PCM1: variants seen among roughly 807,000 people sequenced by gnomAD.
The protein encoded by PCM1 is pericentriolar material 1, also known as pericentriolar material 1 protein.
Under a neutral mutation model 241.9 loss-of-function variants are expected in PCM1, and 157 were observed. That is an observed-to-expected ratio of 0.65 (90% CI 0.57 to 0.74). PCM1 has a LOEUF of 0.74. Among genes scored for constraint, PCM1 ranks in the 30% least tolerant of loss-of-function variants. The probability of loss-of-function intolerance (pLI) is 0.00; values close to 1 mark genes in which losing one functional copy is unlikely to be tolerated. For missense variants in PCM1, 3,478 were observed against 2,360.1 expected (o/e 1.47, Z -9.81); for synonymous variants, 1,085 against 784.9 (o/e 1.38, Z -6.39).
At chr8:17,933,908 G>C (rs1396460723) in intron 2 of PCM1, among the ~76,000 whole-genome samples, 1 of 151,728 alleles carries the variant, frequency 6.6e-6, no homozygotes, top group Non-Finnish European at 1.5e-5. Context: ...TTGACTGCTT[G>C]TTTATACTTA....
intron 9 of PCM1, among the ~76,000 whole-genome samples, chr8:17,953,730 C>G (rs2066943920): frequency 6.6e-6 from 1 of 152,100 alleles, no homozygotes; most frequent in South Asian, 2.1e-4. Context: ...CGGGAGTTAT[C>G]TTTTTTGCTC....
At position 17,967,037 on chromosome 8, in the gene PCM1, T is replaced by C. The variant is rs770517136; in HGVS notation, c.3279T>C (p.Pro1093=). 16 of 1,609,540 alleles carry C rather than the reference T, an allele frequency of 9.9e-6. 1 individual carries two copies. In the South Asian group the frequency reaches 1.8e-4, roughly 18 times the overall value. ...MRQQNQHPEK[P]GGKERGSSAS... ...AGCAAAATCAGCATCCAGAAAAACCTGGAGGCAAGGAAAGAGGCAGTAGTG... is the reference window on the plus strand; with the variant it reads ...AGCAAAATCAGCATCCAGAAAAACCCGGAGGCAAGGAAAGAGGCAGTAGTG... The change falls in exon 21 of 39, where the codon CCT becomes CCC. Residue 1093 remains proline, a synonymous_variant. Coordinates refer to ENST00000325083, the MANE Select transcript of PCM1 (RefSeq NM_006197.4).
intron 8 of PCM1, among the ~76,000 whole-genome samples, chr8:17,952,407 C>T (rs1265353941): frequency 6.6e-6 from 1 of 152,010 alleles, no homozygotes; most frequent in Non-Finnish European, 1.5e-5. Context: ...ACTTTTGATT[C>T]AATTACTGAT....
intron 36 of PCM1, among the ~76,000 whole-genome samples, chr8:18,019,075 T>C (rs532247144): frequency 1.3e-5 from 2 of 152,112 alleles, no homozygotes; most frequent in East Asian, 1.9e-4. Context: ...TTCTTTCCTC[T>C]GCCTTTTTCA....
intron 2 of PCM1, among the ~76,000 whole-genome samples, chr8:17,933,407 G>A (rs1015644854): frequency 6.6e-6 from 1 of 151,908 alleles, no homozygotes; most frequent in Non-Finnish European, 1.5e-5. Context: ...TTTTTTTTCC[G>A]ATATGTTTAT....
chr8:17,999,977 AATAAC>A (rs2088676649), intron 29 of PCM1, among the ~76,000 whole-genome samples: 1 of 152,222 alleles, frequency 6.6e-6, no homozygotes, highest in African/African-American at 2.4e-5. Context: ...TACACTCTGA[AATAAC>A]ATAAGTAAAT....
At chr8:18,019,060 A>G (rs62498201) in intron 36 of PCM1, among the ~76,000 whole-genome samples, 69,864 of 151,132 alleles carry the variant, frequency 0.46, 17,678 homozygotes, top group Middle Eastern at 0.59. Context: ...TTCACAGTGT[A>G]ATCTTTCTTT....
At chr8:17,977,134 T>A (rs1351578468) in intron 23 of PCM1, among the ~76,000 whole-genome samples, 2 of 152,246 alleles carry the variant, frequency 1.3e-5, no homozygotes, top group South Asian at 4.1e-4. Context: ...ACTTAAAATC[T>A]TTTTCTTTAG....
At chr8:17,936,645 T>G (rs2060512438) in intron 3 of PCM1, among the ~76,000 whole-genome samples, 1 of 152,160 alleles carries the variant, frequency 6.6e-6, no homozygotes, top group Non-Finnish European at 1.5e-5. Context: ...ATTAGGAAAC[T>G]GAGACTATAG....
intron 30 of PCM1, 117 bp from the exon 31 acceptor site, chr8:18,009,430 C>A: frequency 1.5e-6 from 1 of 668,228 alleles, no homozygotes; most frequent in Non-Finnish European, 2.5e-6. Flanking sequence ...TACTAACAAC[C>A]TATCTTTCCT....
intron 21 of PCM1, among the ~76,000 whole-genome samples, 151 bp downstream of exon 21, chr8:17,967,321 T>C (rs2075253673): frequency 2.0e-5 from 3 of 150,788 alleles, no homozygotes. Context: ...TTTTTTTTTC[T>C]TTTTGAGGCG....
chr8:17,952,128 C>T (rs2066257320), intron 8 of PCM1, among the ~76,000 whole-genome samples: 1 of 151,904 alleles, frequency 6.6e-6, no homozygotes, highest in Non-Finnish European at 1.5e-5. Context: ...GAGGCTGAGG[C>T]AGGAGAATCG....
chr8:18,001,034 T>C (rs989041238), intron 29 of PCM1, among the ~76,000 whole-genome samples: 1 of 152,200 alleles, frequency 6.6e-6, no homozygotes, highest in African/African-American at 2.4e-5. Context: ...GATTATAGCA[T>C]ATAGCTGCTG....
At chr8:18,000,631 T>G (rs2088999949) in intron 29 of PCM1, among the ~76,000 whole-genome samples, 2 of 143,914 alleles carry the variant, frequency 1.4e-5, no homozygotes, top group East Asian at 2.1e-4. Flanking sequence ...TTGAGGGGGG[T>G]GGGGTTTGAG....
At chr8:17,969,432 A>T (rs976870207) in intron 21 of PCM1, 145 bp from the exon 22 acceptor site, 1 of 640,010 alleles carries the variant, frequency 1.6e-6, no homozygotes, top group African/African-American at 1.9e-5. Flanking sequence ...CAGTGATTGG[A>T]TAAATATTAG....
chr8:18,019,978 A>G (rs1486088814), intron 36 of PCM1, among the ~76,000 whole-genome samples: 1 of 152,204 alleles, frequency 6.6e-6, no homozygotes, highest in Non-Finnish European at 1.5e-5. Context: ...CTTATGGGAT[A>G]CTGCAGATCT....
chr8:18,017,853 C>CTCA (rs2093370055), intron 36 of PCM1, among the ~76,000 whole-genome samples: 1 of 141,888 alleles, frequency 7.0e-6, no homozygotes, highest in Non-Finnish European at 1.6e-5. Flanking sequence ...AACTCCATCT[C>CTCA]AAAAAAAAAA....
rs752036515 is a variant in PCM1 at position 17,991,606 on chromosome 8, T to A, written c.4596T>A (p.Thr1532=). Residue 1532 remains threonine (T), a synonymous_variant, in exon 28 of 39, where the codon ACT becomes ACA. Coordinates refer to ENST00000325083, the MANE Select transcript of PCM1 (RefSeq NM_006197.4). ...ARMREYERMK[T]EAESNSNMRC... is the part of the protein sequence containing the mutation. Reference sequence around the variant, plus strand: ...TGAGAGAATATGAGCGTATGAAGACTGAGGCTGAAAGTAACTCAAATATGA... The same window carrying A: ...TGAGAGAATATGAGCGTATGAAGACAGAGGCTGAAAGTAACTCAAATATGA... 6.9e-6 allele frequency: 11 copies of A among 1,592,190 alleles called. No homozygotes were observed. Among genetic ancestry groups the A allele is most frequent in the Non-Finnish European group, 8.6e-6 (10 of 1,168,380 alleles).
chr8:18,016,707 C>T (rs998992654), intron 36 of PCM1, among the ~76,000 whole-genome samples: 6 of 152,200 alleles, frequency 3.9e-5, no homozygotes, highest in African/African-American at 1.4e-4. Context: ...TGACCTGTTA[C>T]TCTGCTTATC....
Sources: gnomAD v4.1 joint callset for allele counts (sites outside exome capture counted in the v4.1 genomes callset) on GRCh38, gnomAD v4.1.1 for gene constraint, MANE v1.5 for transcripts, NCBI Gene and HGNC (gene_info 2026-07-23, HGNC 2026-07-21) for gene names.